STX8: variants seen among roughly 807,000 people sequenced by gnomAD.
The protein encoded by STX8 is syntaxin 8.
STX8 carries 23 observed loss-of-function variants against 37.5 expected under a neutral mutation model. That is an observed-to-expected ratio of 0.61 (90% CI 0.44 to 0.87). The LOEUF (loss-of-function observed/expected upper bound fraction) is 0.87. STX8 is among the 40% of genes least tolerant of loss of function. The probability of loss-of-function intolerance (pLI) is 0.00; values close to 1 mark genes in which losing one functional copy is unlikely to be tolerated. For missense variants in STX8, 313 were observed against 284.7 expected, an observed-to-expected ratio of 1.10 and a Z score of -0.71; for synonymous variants, 115 against 99.1, an observed-to-expected ratio of 1.16 and a Z score of -0.95.
chr17:9,469,069 T>C (rs1241247287), intron 6 of STX8: 1 of 152,184 alleles, frequency 6.6e-6, no homozygotes, highest in Non-Finnish European at 1.5e-5. Context: ...GAAAAATTGC[T>C]TTCATTGTTA....
Position 9,503,105 on chromosome 17 carries a change from C to CAAAAAAAAAAAAA in STX8, c.448+1920_448+1932dup, listed in dbSNP as rs61437085. ...TAGGCAGCAAAGCCAGACTCTGTCT[C>CAAAAAAAAAAAAA]AAAAAAAAAAAAAAAAAAAAAAGAG... On this transcript the variant is annotated intron_variant, in intron 5 of 7. Coordinates refer to ENST00000306357, the MANE Select transcript of STX8 (RefSeq NM_004853.3). Among the ~76,000 whole-genome samples the CAAAAAAAAAAAAA allele has an allele frequency of 1.3e-3, 79 of 58,574 alleles. 3 individuals are homozygous for CAAAAAAAAAAAAA. Among genetic ancestry groups the CAAAAAAAAAAAAA allele is most frequent in the African/African-American group, 5.8e-3 (77 of 13,224 alleles). 38.4% of individuals were successfully genotyped at this position (58,574 alleles called of 152,430 possible).
intron 6 of STX8, among the ~76,000 whole-genome samples, chr17:9,464,478 G>C (rs904333653): frequency 6.6e-6 from 1 of 152,130 alleles, no homozygotes; most frequent in Non-Finnish European, 1.5e-5. Flanking sequence ...TAGCAAAATA[G>C]CACAAGAAGG....
intron 6 of STX8, among the ~76,000 whole-genome samples, chr17:9,444,629 G>C (rs1482378400): frequency 6.6e-6 from 1 of 152,154 alleles, no homozygotes; most frequent in African/African-American, 2.4e-5. Context: ...TCCAGAGATG[G>C]TGCATCCATG....
intron 6 of STX8, among the ~76,000 whole-genome samples, chr17:9,463,069 G>T (rs1395108502): frequency 6.6e-6 from 1 of 152,172 alleles, no homozygotes; most frequent in Non-Finnish European, 1.5e-5. Context: ...GAGGGGAGGG[G>T]AGTCTCACTG....
chr17:9,426,065 C>CT (rs34206797), intron 6 of STX8, among the ~76,000 whole-genome samples: 85,994 of 151,634 alleles, frequency 0.57, 26,163 homozygotes, highest in African/African-American at 0.79. Context: ...GACAATCTGT[C>CT]TTTAATCTGA....
At chr17:9,369,108 T>G (rs190099604) in intron 7 of STX8, among the ~76,000 whole-genome samples, 52 of 152,292 alleles carry the variant, frequency 3.4e-4, no homozygotes, top group African/African-American at 9.4e-4. Context: ...TTAGCTCCAG[T>G]TCCTAGCCCA....
chr17:9,335,783 C>A (rs1207936366), intron 7 of STX8, among the ~76,000 whole-genome samples: 2 of 151,504 alleles, frequency 1.3e-5, no homozygotes, highest in South Asian at 2.1e-4. Context: ...ACTAATACAA[C>A]CATGGCATTC....
intron 6 of STX8, among the ~76,000 whole-genome samples, chr17:9,428,748 T>C (rs566950520): frequency 1.2e-4 from 19 of 152,210 alleles, no homozygotes; most frequent in Non-Finnish European, 5.9e-5. Context: ...ATTGGCAAGA[T>C]ATTTTGAATC....
At chr17:9,491,170 A>T (rs555961868) in intron 6 of STX8, among the ~76,000 whole-genome samples, 14 of 152,128 alleles carry the variant, frequency 9.2e-5, no homozygotes, top group Non-Finnish European at 1.6e-4. Flanking sequence ...AACTGGACTT[A>T]CCATCTCACC....
rs771831619 is a variant in STX8, at chr17:9,545,185, G to A, written c.310C>T (p.Pro104Ser). 6.2e-7 allele frequency: 1 copy of A among 1,613,232 alleles called. No homozygotes were observed. Among genetic ancestry groups the A allele is most frequent in the South Asian group, 1.1e-5 (1 of 91,032 alleles). ...AAAACATCCTACCTGATTAGATCTG[G>A]TTCGGCACCCTCATTCTTAAAGGAT... is the stretch of plus-strand genomic sequence containing the variant. ...LASFKNEGAE[P>S]DLIRSSLMSE... is the part of the protein sequence containing the mutation. Residue 104 changes from proline (P) to serine (S), a missense_variant, in exon 4 of 8, where the codon CCA becomes TCA. Transcript: ENST00000306357.
chr17:9,430,228 AT>A (rs1913908796), intron 6 of STX8, among the ~76,000 whole-genome samples: 1 of 134,044 alleles, frequency 7.5e-6, no homozygotes. Flanking sequence ...TAAAATATAT[AT>A]TATATATAAA....
intron 6 of STX8, among the ~76,000 whole-genome samples, chr17:9,450,889 C>T (rs926953203): frequency 6.6e-6 from 1 of 151,942 alleles, no homozygotes; most frequent in African/African-American, 2.4e-5. Flanking sequence ...GAAACAAGGC[C>T]TCTTTTGCAG....
intron 6 of STX8, among the ~76,000 whole-genome samples, chr17:9,393,570 G>C (rs754371876): frequency 6.6e-6 from 1 of 152,138 alleles, no homozygotes; most frequent in Non-Finnish European, 1.5e-5. Context: ...GGCCTATAGG[G>C]TGTAAGGTTG....
intron 6 of STX8, among the ~76,000 whole-genome samples, chr17:9,475,491 G>A (rs1906060879): frequency 1.3e-5 from 2 of 152,176 alleles, no homozygotes; most frequent in African/African-American, 4.8e-5. Flanking sequence ...GAACAGCTGA[G>A]CCAGTCTGCC....
intron 7 of STX8, among the ~76,000 whole-genome samples, chr17:9,313,654 C>G (rs1342790747): frequency 1.3e-5 from 2 of 152,198 alleles, no homozygotes; most frequent in Non-Finnish European, 2.9e-5. Flanking sequence ...GAGACGGAGT[C>G]TCGCTTCTGT....
At chr17:9,371,462 C>T (rs1472959592) in intron 7 of STX8, among the ~76,000 whole-genome samples, 1 of 152,148 alleles carries the variant, frequency 6.6e-6, no homozygotes, top group African/African-American at 2.4e-5. Flanking sequence ...ATATATAAAA[C>T]AGCCAATGTG....
chr17:9,395,594 C>A (rs1247603332), intron 6 of STX8, among the ~76,000 whole-genome samples: 2 of 152,048 alleles, frequency 1.3e-5, no homozygotes, highest in African/African-American at 4.8e-5. Context: ...CAAAACAAAA[C>A]AAAAAAATGC....
chr17:9,348,898 G>A (rs1423910423), intron 7 of STX8, among the ~76,000 whole-genome samples: 1 of 152,172 alleles, frequency 6.6e-6, no homozygotes, highest in Non-Finnish European at 1.5e-5. Flanking sequence ...CTTATGCATG[G>A]AGGACGCGTT....
chr17:9,348,236 G>A (rs1323384449), intron 7 of STX8, among the ~76,000 whole-genome samples: 5 of 151,914 alleles, frequency 3.3e-5, no homozygotes, highest in East Asian at 3.9e-4. Flanking sequence ...CCATCCTGAC[G>A]TTGAAACCCC....
Sources: gnomAD v4.1 joint callset for allele counts (sites outside exome capture counted in the v4.1 genomes callset) on GRCh38, gnomAD v4.1.1 for gene constraint, MANE v1.5 for transcripts, NCBI Gene and HGNC (gene_info 2026-07-23, HGNC 2026-07-21) for gene names.